GPR158: variants seen among roughly 807,000 people sequenced by gnomAD.
GPR158 encodes the protein G protein-coupled receptor 158.
In GPR158, 30 loss-of-function variants were observed where a neutral mutation model predicts 78.2. The observed-to-expected ratio is 0.38, with a 90% confidence interval of 0.29 to 0.52. GPR158 has a LOEUF of 0.52. Ranked by LOEUF, GPR158 falls within the 20% of genes least tolerant of loss-of-function variation. GPR158 has a pLI of 0.83. For missense variants in GPR158, 1,463 were observed against 1,523.5 expected (o/e 0.96, Z 0.66); for synonymous variants, 581 against 591.1 (o/e 0.98, Z 0.25).
At chr10:25,202,183 G>A (rs1222922879) in intron 1 of GPR158, among the ~76,000 whole-genome samples, 1 of 151,940 alleles carries the variant, frequency 6.6e-6, no homozygotes, top group Admixed American at 6.6e-5. Context: ...TTCAGAATTT[G>A]TTATTGGTCT....
At chr10:25,359,980 G>T (rs183336159) in intron 2 of GPR158, among the ~76,000 whole-genome samples, 115 of 152,136 alleles carry the variant, frequency 7.6e-4, no homozygotes, top group African/African-American at 2.5e-3. Context: ...GGTATCTCAT[G>T]GTGGTTTTGA....
intron 5 of GPR158, among the ~76,000 whole-genome samples, chr10:25,540,146 A>T (rs889901753): frequency 2.0e-5 from 3 of 152,178 alleles, no homozygotes; most frequent in African/African-American, 4.8e-5. Flanking sequence ...ATGAACAGAC[A>T]CTTCTCAAAA....
intron 5 of GPR158, among the ~76,000 whole-genome samples, chr10:25,531,134 G>A (rs533720091): frequency 6.6e-6 from 1 of 151,988 alleles, no homozygotes; most frequent in Non-Finnish European, 1.5e-5. Context: ...TCTTTTTTTG[G>A]AACCTTTAAG....
Position 25,418,230 on chromosome 10 carries a change from C to G in GPR158, c.1335+5757C>G, listed in dbSNP as rs529043852. Among the ~76,000 whole-genome samples the G allele has an allele frequency of 6.6e-5, 10 of 152,286 alleles. No homozygotes were observed. The East Asian group carries it at 1.7e-3, about 26-fold the overall frequency. ...TTCCAGGAAAGTCTAATTTTTAGTA[C>G]ATTTAATTGAAAGAGATTTGTCCAG... On this transcript the variant is annotated intron_variant, in intron 4 of 10. Coordinates refer to ENST00000376351, the MANE Select transcript of GPR158 (RefSeq NM_020752.3).
chr10:25,362,327 T>C (rs1229241022), intron 2 of GPR158, among the ~76,000 whole-genome samples: 1 of 151,966 alleles, frequency 6.6e-6, no homozygotes, highest in African/African-American at 2.4e-5. Flanking sequence ...TCTGTCTTTA[T>C]GTCAGTACTA....
intron 2 of GPR158, among the ~76,000 whole-genome samples, chr10:25,268,731 A>G (rs190202045): frequency 2.6e-5 from 4 of 152,306 alleles, no homozygotes; most frequent in South Asian, 4.1e-4. Context: ...GATAGAATAT[A>G]GAAGAGTAGA....
chr10:25,365,059 A>G (rs1240158011), intron 2 of GPR158, among the ~76,000 whole-genome samples: 2 of 148,926 alleles, frequency 1.3e-5, no homozygotes, highest in East Asian at 2.0e-4. Flanking sequence ...TGTATGTTAA[A>G]TATTTATTTA....
chr10:25,313,976 G>A (rs1029808591), intron 2 of GPR158, among the ~76,000 whole-genome samples: 2 of 152,086 alleles, frequency 1.3e-5, no homozygotes, highest in South Asian at 4.1e-4. Context: ...TTTTTGGTTT[G>A]GCAATTTCTT....
chr10:25,542,724 T>A (rs1836603652), intron 5 of GPR158, among the ~76,000 whole-genome samples: 1 of 147,606 alleles, frequency 6.8e-6, no homozygotes, highest in Non-Finnish European at 1.5e-5. Flanking sequence ...CTTGGGAGGC[T>A]GAGGCAGGAG....
chr10:25,275,263 C>A (rs989194228), intron 2 of GPR158, among the ~76,000 whole-genome samples: 2 of 152,090 alleles, frequency 1.3e-5, no homozygotes, highest in East Asian at 1.9e-4. Context: ...ATCTGGGGAA[C>A]CTGTCAGGAG....
At chr10:25,363,638 T>C (rs182531621) in intron 2 of GPR158, among the ~76,000 whole-genome samples, 382 of 148,582 alleles carry the variant, frequency 2.6e-3, no homozygotes, top group Middle Eastern at 0.011. Context: ...TACAATGAGG[T>C]GATCCCTGGG....
chr10:25,558,187 CTGAGT>C (rs1333486523), intron 6 of GPR158, among the ~76,000 whole-genome samples: 1 of 152,154 alleles, frequency 6.6e-6, no homozygotes, highest in African/African-American at 2.4e-5. Context: ...TTTTTGTTGC[CTGAGT>C]TGTTTTGGTT....
intron 1 of GPR158, among the ~76,000 whole-genome samples, chr10:25,196,199 AT>A (rs1265247176): frequency 6.6e-6 from 1 of 151,062 alleles, no homozygotes; most frequent in African/African-American, 2.4e-5. Flanking sequence ...AGATTTCTAT[AT>A]TTCTTAACTT....
At position 25,511,315 on chromosome 10, in the gene GPR158, A is replaced by C. The variant is rs144871745; in HGVS notation, c.1405-39661A>C. Among the ~76,000 whole-genome samples the C allele has an allele frequency of 9.3e-4, 141 of 152,210 alleles. 3 individuals are homozygous for C. The South Asian group carries it at 0.024, about 26-fold the overall frequency. On this transcript the variant is annotated intron_variant, in intron 5 of 10. Coordinates refer to ENST00000376351, the MANE Select transcript of GPR158 (RefSeq NM_020752.3). ...TCATTAGTGATGTTGAACATTTTTC[A>C]TATGTTTGTTGGCCATTTGTATATC...
chr10:25,272,408 T>C (rs1374598004), intron 2 of GPR158, among the ~76,000 whole-genome samples: 1 of 149,456 alleles, frequency 6.7e-6, no homozygotes. Context: ...ATGATTTATT[T>C]TATACTTCCT....
At chr10:25,288,336 C>T (rs140815353) in intron 2 of GPR158, among the ~76,000 whole-genome samples, 42 of 152,238 alleles carry the variant, frequency 2.8e-4, no homozygotes, top group African/African-American at 1.0e-3. Flanking sequence ...AGCATCTAGT[C>T]CTGCTCTTTT....
chr10:25,340,003 G>C (rs1855279220), intron 2 of GPR158, among the ~76,000 whole-genome samples: 1 of 152,004 alleles, frequency 6.6e-6, no homozygotes. Flanking sequence ...TTAGATATTA[G>C]TCTCTCAAGT....
rs1564399415 is a variant in GPR158, at chr10:25,241,181, CTTTCT to C, written c.1008+20027_1008+20031del. ...TCTTTCTTTCTTTCTTTCTTTCTTT[CTTTCT>C]TTCCTTTCTTTCTTTCCTTTCTTTC... On this transcript the variant is annotated intron_variant, in intron 2 of 10. Coordinates refer to ENST00000376351, the MANE Select transcript of GPR158 (RefSeq NM_020752.3). Among the ~76,000 whole-genome samples the C allele has an allele frequency of 5.3e-5, 4 of 75,752 alleles. No individual in the cohort carries two copies. In the East Asian group the frequency reaches 1.9e-3, roughly 36 times the overall value. The allele number at this position is 75,752 out of a possible 152,430, so 49.7% of individuals were successfully genotyped here.
Position 25,328,009 on chromosome 10 carries a change from A to G in GPR158, c.1009-67902A>G, listed in dbSNP as rs1396700100. On this transcript the variant is annotated intron_variant, in intron 2 of 10. Coordinates refer to ENST00000376351, the MANE Select transcript of GPR158 (RefSeq NM_020752.3). ...GAAGCCATTTTCCAAAACTGAAGAA[A>G]AAGATTTAAAGAATGACAGTGTTAA... Among the ~76,000 whole-genome samples, 7 of 152,336 alleles carry G rather than the reference A, an allele frequency of 4.6e-5. No homozygotes were observed. In the South Asian group the frequency reaches 1.5e-3, roughly 32 times the overall value.
Sources: allele counts gnomAD v4.1 joint callset (sites outside exome capture counted in the v4.1 genomes callset), GRCh38; gene constraint gnomAD v4.1.1; transcripts MANE v1.5; gene names NCBI Gene and HGNC (gene_info 2026-07-23, HGNC 2026-07-21).